ULK4: variants seen among roughly 807,000 people sequenced by gnomAD.
The protein encoded by ULK4 is inactive serine/threonine-protein kinase ULK4.
Under a neutral mutation model 160.6 loss-of-function variants are expected in ULK4, and 133 were observed. The ratio of observed to expected loss-of-function variants is 0.83; its 90% CI spans 0.72 to 0.96. The LOEUF is 0.96. Ranked by LOEUF, ULK4 falls within the 40% of genes least tolerant of loss-of-function variation. The pLI, the probability that ULK4 is intolerant of heterozygous loss-of-function variation, is 0.00. For missense variants in ULK4, 1,580 were observed against 1,499.5 expected, an observed-to-expected ratio of 1.05 and a Z score of -0.89; for synonymous variants, 534 against 539.8, an observed-to-expected ratio of 0.99 and a Z score of 0.15.
chr3:41,706,473 C>T (rs2036891904), intron 25 of ULK4, among the ~76,000 whole-genome samples: 1 of 146,116 alleles, frequency 6.8e-6, no homozygotes, highest in South Asian at 2.1e-4. Flanking sequence ...GCAAATAAAA[C>T]ATAAGATGAC....
chr3:41,464,261 A>G (rs1346208770), intron 32 of ULK4, among the ~76,000 whole-genome samples: 1 of 152,196 alleles, frequency 6.6e-6, no homozygotes, highest in African/African-American at 2.4e-5. Flanking sequence ...ATGCGAAATT[A>G]TCACAAAATT....
At chr3:41,881,741 T>C (rs1697530071) in intron 17 of ULK4, among the ~76,000 whole-genome samples, 1 of 152,092 alleles carries the variant, frequency 6.6e-6, no homozygotes, top group East Asian at 1.9e-4. Flanking sequence ...CATTTCGAAC[T>C]AATAAAGCAT....
In ULK4 at chr3:41,663,674, C is replaced by G. The variant is rs769737037; in HGVS notation, c.3004G>C (p.Asp1002His). 6.2e-7 allele frequency: 1 copy of G among 1,613,890 alleles called. No individual in the cohort carries two copies. The highest frequency in any genetic ancestry group is 8.5e-7 in the Non-Finnish European group (1 of 1,179,886). Residue 1002 changes from aspartate (D) to histidine (H), a missense_variant, in exon 30 of 37, where the codon GAC becomes CAC. Coordinates refer to ENST00000301831, the MANE Select transcript of ULK4 (RefSeq NM_017886.4). Reference protein sequence around the residue: ...PQYEHILLEPDPVPAYALKLL... With the variant: ...PQYEHILLEPHPVPAYALKLL... ...TTCAGAGCATATGCTGGTACTGGGT[C>G]AGGTTCTAAAAGAATGTGCTCATAC...
At chr3:41,753,315 A>C (rs1485036273) in intron 22 of ULK4, among the ~76,000 whole-genome samples, 1 of 151,926 alleles carries the variant, frequency 6.6e-6, no homozygotes, top group Non-Finnish European at 1.5e-5. Context: ...CTACTCTCTC[A>C]CTGTTACCAG....
rs147267098 is a variant in ULK4, at chr3:41,792,615, T to C, written c.2011-2772A>G. The stretch of plus-strand genomic sequence containing the variant: ...ATGGGGAAATTTCTTAATAAAAGAT[T>C]TTCCCAGACTACTTCTGGGCAACTG... On this transcript the variant is annotated intron_variant, in intron 20 of 36. Transcript: ENST00000301831. 9.9e-3 allele frequency among the ~76,000 whole-genome samples: 1,505 copies of C among 152,200 alleles called. 25 individuals are homozygous for C. The highest frequency in any genetic ancestry group is 0.035 in the African/African-American group (1,449 of 41,546).
rs775946172 is a variant in ULK4, at chr3:41,789,884, T to C, written c.2011-41A>G. The C allele has an allele frequency of 7.5e-6, 11 of 1,461,276 alleles. No individual in the cohort carries two copies. The South Asian group carries it at 1.0e-4, about 14-fold the overall frequency. 90.5% of individuals were successfully genotyped at this position (1,461,276 alleles called of 1,614,324 possible). ...AACAGACCTGTCAGGCAACTCCAAG[T>C]GCATCAATCATTCCCCTGAAAGGTA... On this transcript the variant is annotated intron_variant, in intron 20 of 36. Transcript: ENST00000301831.
intron 35 of ULK4, among the ~76,000 whole-genome samples, chr3:41,363,928 C>CTTT (rs201380727): frequency 2.7e-3 from 362 of 135,274 alleles, no homozygotes; most frequent in East Asian, 0.013. Flanking sequence ...TCCAAATTCT[C>CTTT]TCTCTTTTTT....
chr3:41,398,364 A>G, intron 34 of ULK4, 100 bp from the exon 35 acceptor site: 5 of 1,174,780 alleles, frequency 4.3e-6, no homozygotes, highest in Non-Finnish European at 6.1e-6. Context: ...TGTCAGCCTG[A>G]GTAGTCTGCT....
intron 5 of ULK4, 122 bp from the exon 6 acceptor site, chr3:41,919,940 C>T (rs560701094): frequency 5.6e-6 from 3 of 537,398 alleles, no homozygotes; most frequent in African/African-American, 3.7e-5. Flanking sequence ...ATGAATAAAA[C>T]TTCATGTGCA....
intron 35 of ULK4, among the ~76,000 whole-genome samples, chr3:41,394,612 T>G (rs972196963): frequency 2.0e-5 from 3 of 151,982 alleles, no homozygotes; most frequent in Non-Finnish European, 4.4e-5. Context: ...TATGGGTACT[T>G]GAAATATACT....
chr3:41,717,996 G>C, intron 22 of ULK4, 135 bp from the exon 23 acceptor site: 2 of 1,043,374 alleles, frequency 1.9e-6, no homozygotes, highest in Non-Finnish European at 2.6e-6. Flanking sequence ...GTAGCAACTT[G>C]TCGGGCACAA....
chr3:41,807,232 T>C (rs1253303047), intron 19 of ULK4, among the ~76,000 whole-genome samples: 8 of 152,140 alleles, frequency 5.3e-5, no homozygotes, highest in African/African-American at 1.7e-4. Flanking sequence ...TACATAATCC[T>C]ACATTTATTT....
intron 27 of ULK4, among the ~76,000 whole-genome samples, chr3:41,703,106 A>C (rs574269937): frequency 1.3e-5 from 2 of 152,156 alleles, no homozygotes; most frequent in African/African-American, 4.8e-5. Context: ...TGCCCGCCTC[A>C]GCCTCCCAAA....
intron 1 of ULK4, among the ~76,000 whole-genome samples, chr3:41,961,429 C>G (rs1700662688): frequency 6.6e-6 from 1 of 152,110 alleles, no homozygotes; most frequent in South Asian, 2.1e-4. Context: ...GAAATGCCAG[C>G]CAAATCAACC....
chr3:41,712,788 A>G (rs567951237), intron 25 of ULK4, among the ~76,000 whole-genome samples: 18 of 152,158 alleles, frequency 1.2e-4, no homozygotes, highest in Non-Finnish European at 2.6e-4. Context: ...GCTACATCTG[A>G]GGCTGAGGAG....
At chr3:41,644,471 T>C (rs1272329983) in intron 30 of ULK4, among the ~76,000 whole-genome samples, 1 of 151,804 alleles carries the variant, frequency 6.6e-6, no homozygotes, top group African/African-American at 2.4e-5. Context: ...TTCTCTTTGG[T>C]TCTGTTTATA....
intron 17 of ULK4, among the ~76,000 whole-genome samples, chr3:41,836,333 C>T (rs1404434783): frequency 1.3e-5 from 2 of 151,978 alleles, no homozygotes; most frequent in East Asian, 1.9e-4. Flanking sequence ...CCACCAAGTC[C>T]GGCTAATTTT....
chr3:41,437,525 C>T lies in ULK4; in HGVS notation c.3492+17972G>A, dbSNP rs547450179. 5.3e-5 allele frequency among the ~76,000 whole-genome samples: 8 copies of T among 152,290 alleles called. No individual in the cohort carries two copies. The South Asian group carries it at 1.2e-3, about 24-fold the overall frequency. On this transcript the variant is annotated intron_variant, in intron 34 of 36. Transcript: ENST00000301831. ...CACCCTGCTCTGCTTTTGTGTCTTA[C>T]ACACTATACTCTGGGCAGAGCAAGA...
At chr3:41,657,155 T>C (rs2034967032) in intron 30 of ULK4, among the ~76,000 whole-genome samples, 1 of 152,024 alleles carries the variant, frequency 6.6e-6, no homozygotes, top group Admixed American at 6.6e-5. Context: ...AAAATCCTGG[T>C]CATGTACAAT....
Sources: allele counts gnomAD v4.1 joint callset (sites outside exome capture counted in the v4.1 genomes callset), GRCh38; gene constraint gnomAD v4.1.1; transcripts MANE v1.5; gene names NCBI Gene and HGNC (gene_info 2026-07-23, HGNC 2026-07-21).